The following PPARGC1A variants were observed in gnomAD, a reference collection of about 807,000 sequenced individuals.
The protein encoded by PPARGC1A is PPARG coactivator 1 alpha, also known as peroxisome proliferator-activated receptor gamma coactivator 1-alpha.
A neutral mutation model predicts 88.7 loss-of-function variants in PPARGC1A; 25 were observed. The ratio of observed to expected loss-of-function variants is 0.28; its 90% CI spans 0.21 to 0.39. The LOEUF is 0.39. Among genes scored for constraint, PPARGC1A ranks in the 10% least tolerant of loss-of-function variants. The probability of loss-of-function intolerance (pLI) is 1.00; values close to 1 mark genes in which losing one functional copy is unlikely to be tolerated. For missense variants in PPARGC1A, 880 were observed against 968.7 expected (o/e 0.91, Z 1.22); for synonymous variants, 363 against 355.6 (o/e 1.02, Z -0.24).
the PPARGC1A span, among the ~76,000 whole-genome samples, chr4:24,368,536 T>TG: frequency 8.5e-5 from 13 of 152,132 alleles, no homozygotes; most frequent in African/African-American, 2.4e-5. Context: ...GAATCAAATT[T>TG]GGGGGGTTCT....
chr4:23,921,544 TGAACACCA>T, the PPARGC1A span, among the ~76,000 whole-genome samples: 2 of 152,226 alleles, frequency 1.3e-5, no homozygotes, highest in African/African-American at 4.8e-5. Context: ...CCAGGCACAC[TGAACACCA>T]TTTTGTTTGA....
the PPARGC1A span, among the ~76,000 whole-genome samples, chr4:24,075,363 CT>C: frequency 6.6e-6 from 1 of 152,168 alleles, no homozygotes; most frequent in Non-Finnish European, 1.5e-5. Flanking sequence ...GGGTTAGCAA[CT>C]TCTCAGAACC....
chr4:24,125,656 G>A, the PPARGC1A span, among the ~76,000 whole-genome samples: 2 of 150,654 alleles, frequency 1.3e-5, no homozygotes, highest in East Asian at 3.9e-4. Context: ...ACAAAAAAAT[G>A]GCATTAAATC....
At chr4:24,085,025 G>A in the PPARGC1A span, among the ~76,000 whole-genome samples, 1 of 152,174 alleles carries the variant, frequency 6.6e-6, no homozygotes, top group Non-Finnish European at 1.5e-5. Context: ...CTTGATGGAT[G>A]ACAGTATCTT....
At chr4:24,034,482 TATTC>T in the PPARGC1A span, among the ~76,000 whole-genome samples, 30 of 152,344 alleles carry the variant, frequency 2.0e-4, no homozygotes, top group African/African-American at 6.0e-4. Flanking sequence ...TTGTGATTGT[TATTC>T]ATTAATTGGT....
chr4:23,817,833 T>C (rs1167593299), intron 7 of PPARGC1A, among the ~76,000 whole-genome samples: 1 of 152,168 alleles, frequency 6.6e-6, no homozygotes, highest in Non-Finnish European at 1.5e-5. Flanking sequence ...ATGGAAAGCC[T>C]ATCTCCAGAT....
At chr4:24,273,219 A>C in the PPARGC1A span, among the ~76,000 whole-genome samples, 1 of 152,218 alleles carries the variant, frequency 6.6e-6, no homozygotes, top group Admixed American at 6.5e-5. Context: ...GAGAAGAATA[A>C]AACATTGCAT....
In PPARGC1A at chr4:23,814,209, G is replaced by A; in HGVS notation, c.1274C>T (p.Ser425Phe). 6.2e-7 allele frequency: 1 copy of A among 1,614,088 alleles called. No homozygotes were observed. ...VSSDWQGQICSSTDSDQCYLR... is the reference protein window; with the variant it reads ...VSSDWQGQICFSTDSDQCYLR... ...GTAGCACTGGTCTGAATCTGTGGAA[G>A]AACAAATCTGCCCCTGCCAATCAGA... The change falls in exon 8 of 13, where the codon TCT (serine) becomes TTT (phenylalanine). Residue 425 changes from serine (S) to phenylalanine (F), a missense_variant. By Grantham distance (155) the Ser-to-Phe change is radical (BLOSUM62 -2). Coordinates refer to ENST00000264867, the MANE Select transcript of PPARGC1A (RefSeq NM_013261.5).
chr4:23,892,709 G>T, upstream of PPARGC1A, among the ~76,000 whole-genome samples: 1 of 151,822 alleles, frequency 6.6e-6, no homozygotes. Context: ...CGTCAACTCT[G>T]TCTCCAAAAT....
chr4:24,173,041 CAGA>C, the PPARGC1A span, among the ~76,000 whole-genome samples: 1 of 152,164 alleles, frequency 6.6e-6, no homozygotes, highest in Non-Finnish European at 1.5e-5. Flanking sequence ...CATTAGACCA[CAGA>C]AGATCATATA....
the PPARGC1A span, among the ~76,000 whole-genome samples, chr4:24,459,476 G>T: frequency 2.4e-4 from 37 of 151,828 alleles, no homozygotes; most frequent in Admixed American, 2.0e-3. Flanking sequence ...AAAACTCAAG[G>T]TATTCAGAAA....
chr4:24,123,914 A>AC, the PPARGC1A span, among the ~76,000 whole-genome samples: 4 of 151,444 alleles, frequency 2.6e-5, no homozygotes, highest in Admixed American at 6.6e-5. Context: ...AGTTGGCAAA[A>AC]AAAAAAAAAA....
chr4:24,149,154 A>G, the PPARGC1A span, among the ~76,000 whole-genome samples: 1 of 152,354 alleles, frequency 6.6e-6, no homozygotes, highest in African/African-American at 2.4e-5. Context: ...TGAAAACTGT[A>G]TGGCAATAAA....
chr4:23,853,607 T>C (rs545484676), intron 2 of PPARGC1A, among the ~76,000 whole-genome samples: 4 of 152,154 alleles, frequency 2.6e-5, no homozygotes, highest in Admixed American at 2.6e-4. Context: ...AGAAAATTCT[T>C]TGCTGTACCT....
chr4:23,797,357 CAA>C (rs35589683), intron 12 of PPARGC1A, among the ~76,000 whole-genome samples: 15 of 145,218 alleles, frequency 1.0e-4, no homozygotes, highest in African/African-American at 3.1e-4. Flanking sequence ...TTTGTAGAGA[CAA>C]AAAAAAAAAT....
chr4:24,113,212 G>T, the PPARGC1A span, among the ~76,000 whole-genome samples: 2 of 152,120 alleles, frequency 1.3e-5, no homozygotes, highest in African/African-American at 4.8e-5. Context: ...CAATTGATAT[G>T]TACCCAGCAA....
chr4:24,057,807 G>A, the PPARGC1A span, among the ~76,000 whole-genome samples: 1 of 152,212 alleles, frequency 6.6e-6, no homozygotes, highest in Admixed American at 6.5e-5. Context: ...AGCTGAGTAG[G>A]CCCAGTGTGG....
Position 23,896,934 on chromosome 4 carries a change from C to A in PPARGC1A, n.52+2333G>T, listed in dbSNP as rs531837843. ...GGAAAATGCAGTCCCAGTTTCAACC[C>A]GGTGACATACAAGTAAATTTCTGGA... On this transcript the variant is annotated intron_variant and non_coding_transcript_variant, in intron 1 of 3. Transcript: ENST00000507342. 1.3e-5 allele frequency among the ~76,000 whole-genome samples: 2 copies of A among 152,226 alleles called. 1 individual carries two copies. The highest frequency in any genetic ancestry group is 1.3e-4 in the Admixed American group (2 of 15,282).
the PPARGC1A span, among the ~76,000 whole-genome samples, chr4:24,210,146 C>A: frequency 1.3e-5 from 2 of 152,146 alleles, no homozygotes; most frequent in Non-Finnish European, 2.9e-5. Flanking sequence ...TGAACAAGGT[C>A]AAAAATTCTC....
Sources: gnomAD v4.1 joint callset for allele counts (sites outside exome capture counted in the v4.1 genomes callset) on GRCh38, gnomAD v4.1.1 for gene constraint, MANE v1.5 for transcripts, NCBI Gene and HGNC (gene_info 2026-07-23, HGNC 2026-07-21) for gene names.